The following KDSR variants were observed in gnomAD, a reference collection of about 807,000 sequenced individuals.
KDSR encodes 3-dehydrosphinganine reductase.
KDSR carries 23 observed loss-of-function variants against 41.3 expected under a neutral mutation model. The observed-to-expected ratio is 0.56, with a 90% confidence interval of 0.40 to 0.79. KDSR has a LOEUF of 0.79. Among genes scored for constraint, KDSR ranks in the 30% least tolerant of loss-of-function variants. The pLI is 0.00. For synonymous variants in KDSR, 138 were observed against 151.7 expected, an observed-to-expected ratio of 0.91 and a Z score of 0.66; for missense variants, 351 against 416.8, an observed-to-expected ratio of 0.84 and a Z score of 1.37.
At chr18:63,361,536 G>A (rs1312365331) in intron 2 of KDSR, among the ~76,000 whole-genome samples, 1 of 152,084 alleles carries the variant, frequency 6.6e-6, no homozygotes, top group Non-Finnish European at 1.5e-5. Flanking sequence ...AGACGTCCAG[G>A]CCAGGTGTGG....
intron 6 of KDSR, among the ~76,000 whole-genome samples, chr18:63,348,342 A>T (rs1254010635): frequency 1.3e-5 from 2 of 150,350 alleles, no homozygotes; most frequent in Non-Finnish European, 3.0e-5. Flanking sequence ...AAAAAAAAGT[A>T]TCTGGAGTTT....
chr18:63,340,415 A>G (rs1914312214), intron 7 of KDSR, among the ~76,000 whole-genome samples: 1 of 152,224 alleles, frequency 6.6e-6, no homozygotes, highest in Non-Finnish European at 1.5e-5. Context: ...CAGTCTAGGG[A>G]GTTTAAGTGC....
intron 9 of KDSR, among the ~76,000 whole-genome samples, chr18:63,334,791 A>G (rs1914108991): frequency 6.6e-6 from 1 of 152,188 alleles, no homozygotes. Context: ...AAAATAATAC[A>G]TTCTATAAGC....
intron 6 of KDSR, among the ~76,000 whole-genome samples, chr18:63,349,098 G>T (rs1914593815): frequency 6.6e-6 from 1 of 152,144 alleles, no homozygotes; most frequent in Non-Finnish European, 1.5e-5. Flanking sequence ...TTATAAAATG[G>T]TGGCTGGGTG....
rs1195529020 is a variant in KDSR at position 63,351,099 on chromosome 18, C to A, written c.418-20G>T. On this transcript the variant is annotated intron_variant, in intron 5 of 9. Transcript: ENST00000645214. ...TAACCTCTGCAGGGAACAAAGAGGC[C>A]ACATGAGGTCAAAAGCCTCAAGGCT... 1 of 1,587,124 alleles carries A rather than the reference C, an allele frequency of 6.3e-7. No homozygotes were observed. Among genetic ancestry groups the A allele is most frequent in the East Asian group, 2.3e-5 (1 of 44,280 alleles).
intron 3 of KDSR, among the ~76,000 whole-genome samples, chr18:63,359,215 A>G (rs760345942): frequency 5.3e-5 from 8 of 151,202 alleles, no homozygotes; most frequent in Non-Finnish European, 1.2e-4. Flanking sequence ...AAGAAAAAAG[A>G]AAAGAAAAAG....
rs543499235 is a variant in KDSR, at chr18:63,341,432, C to T, written c.694-2549G>A. Among the ~76,000 whole-genome samples the T allele has an allele frequency of 2.1e-5, 3 of 140,990 alleles. No individual in the cohort carries two copies. In the East Asian group the frequency reaches 6.1e-4, roughly 29 times the overall value. 92.5% of individuals were successfully genotyped at this position (140,990 alleles called of 152,430 possible). On this transcript the variant is annotated intron_variant, in intron 7 of 9. Coordinates refer to ENST00000645214, the MANE Select transcript of KDSR (RefSeq NM_002035.4). ...TCAACAAAAAGGTTTAAGGATAAAG[C>T]GAATAAAAACCTAGAAGGGAGAACA...
Position 63,331,624 on chromosome 18 carries a change from C to T in KDSR, c.*158G>A. ...AATAATACTGTCAGGAGGTGAACTT[C>T]TAGCCCCTTGCTTGCAGCCACATTC... On this transcript the variant is annotated 3_prime_UTR_variant, in exon 10 of 10. Coordinates refer to ENST00000645214, the MANE Select transcript of KDSR (RefSeq NM_002035.4). 3.2e-6 allele frequency: 2 copies of T among 621,468 alleles called. No individual in the cohort carries two copies. The highest frequency in any genetic ancestry group is 5.8e-5 in the Admixed American group (2 of 34,774). 38.5% of individuals were successfully genotyped at this position (621,468 alleles called of 1,614,324 possible). A position where few individuals can be genotyped will look rare whatever the true frequency, so the allele number is the denominator to read the frequency against.
At chr18:63,366,317 C>G (rs1007017053) in intron 1 of KDSR, 3 of 152,394 alleles carry the variant, frequency 2.0e-5, no homozygotes, top group African/African-American at 4.8e-5. Context: ...CACTAGAAAA[C>G]AGCAAAGGAT....
chr18:63,364,238 T>C (rs1915071747), intron 1 of KDSR, among the ~76,000 whole-genome samples: 1 of 152,080 alleles, frequency 6.6e-6, no homozygotes, highest in African/African-American at 2.4e-5. Context: ...GCACTGTATT[T>C]CTTCTTTATG....
At chr18:63,355,147 T>C in intron 5 of KDSR, 57 bp downstream of exon 5, 2 of 1,144,902 alleles carry the variant, frequency 1.7e-6, no homozygotes, top group South Asian at 1.3e-5. Flanking sequence ...CTTTTACCCG[T>C]AGCTTGCTCT....
At chr18:63,334,125 A>G (rs1914090091) in intron 9 of KDSR, among the ~76,000 whole-genome samples, 1 of 152,256 alleles carries the variant, frequency 6.6e-6, no homozygotes, top group Admixed American at 6.5e-5. Flanking sequence ...CATCTAACAC[A>G]GTGTCAACCT....
intron 6 of KDSR, chr18:63,344,777 G>A: frequency 6.5e-6 from 2 of 309,506 alleles, no homozygotes; most frequent in Non-Finnish European, 6.0e-6. Context: ...CCCAGACAGA[G>A]GCCCTGGGAG....
chr18:63,338,683 C>G (rs950417014), intron 8 of KDSR, 117 bp downstream of exon 8: 23 of 716,218 alleles, frequency 3.2e-5, no homozygotes, highest in African/African-American at 2.6e-4. Flanking sequence ...TATGACAAAT[C>G]TGACAGACTA....
chr18:63,335,286 C>G lies in KDSR; in HGVS notation c.850G>C (p.Val284Leu). 6.2e-7 allele frequency: 1 copy of G among 1,613,840 alleles called. No individual in the cohort carries two copies. The highest frequency in any genetic ancestry group is 1.7e-5 in the Admixed American group (1 of 60,018). ...TGGAGCCCCTCAGTAATAGAAGTTA[C>G]TGGAGCCATCCCACAGGTCAGGGCC... ...LSALTCGMAP[V>L]TSITEGLQQV... Residue 284 changes from valine (V) to leucine (L), a missense_variant, in exon 9 of 10, where the codon GTA (valine) becomes CTA (leucine). Transcript: ENST00000645214.
At chr18:63,334,762 A>C (rs1914107893) in intron 9 of KDSR, among the ~76,000 whole-genome samples, 1 of 152,212 alleles carries the variant, frequency 6.6e-6, no homozygotes, top group Non-Finnish European at 1.5e-5. Context: ...ACACCAATGA[A>C]ACACTGTGTA....
rs998421102 is a variant in KDSR, at chr18:63,330,216, TAG to T, written c.*1564_*1565del. On this transcript the variant is annotated 3_prime_UTR_variant, in exon 10 of 10. Transcript: ENST00000645214. ...AATTTTTAGGTCTTCAATTTTTGTATAGAGTTTTTATGTTTTTTAAGTTTTAT... is the reference window on the plus strand; with the variant it reads ...AATTTTTAGGTCTTCAATTTTTGTATAGTTTTTATGTTTTTTAAGTTTTAT... 6.0e-5 allele frequency: 12 copies of T among 201,540 alleles called. No homozygotes were observed. The highest frequency in any genetic ancestry group is 1.9e-4 in the South Asian group (1 of 5,268). The allele number at this position is 201,540 out of a possible 1,614,324, so 12.5% of individuals were successfully genotyped here.
In KDSR at chr18:63,328,806, T is replaced by G. The variant is rs1284541117; in HGVS notation, c.*2976A>C. 5.4e-6 allele frequency: 1 copy of G among 185,566 alleles called. No individual in the cohort carries two copies. The highest frequency in any genetic ancestry group is 2.3e-5 in the African/African-American group (1 of 42,682). The allele number at this position is 185,566 out of a possible 1,614,324, so 11.5% of individuals were successfully genotyped here. On this transcript the variant is annotated 3_prime_UTR_variant, in exon 10 of 10. Transcript: ENST00000645214. ...GGGATTTTTATGGCTCAATGTTAAT[T>G]TTTTAATATACTTGCAAATACATTA... is the stretch of plus-strand genomic sequence containing the variant.
intron 1 of KDSR, 127 bp downstream of exon 1, chr18:63,366,884 C>G (rs1485357851): frequency 4.5e-6 from 2 of 446,394 alleles, no homozygotes; most frequent in Non-Finnish European, 7.5e-6. Context: ...GGCAGGTGAC[C>G]TTCCCCATTT....
Sources: gnomAD v4.1 joint callset for allele counts (sites outside exome capture counted in the v4.1 genomes callset) on GRCh38, gnomAD v4.1.1 for gene constraint, MANE v1.5 for transcripts, NCBI Gene and HGNC (gene_info 2026-07-23, HGNC 2026-07-21) for gene names.